Variants in LHFPL3 observed in about 807,000 individuals in gnomAD.
LHFPL3 encodes LHFPL tetraspan subfamily member 3 protein.
A neutral mutation model predicts 19.3 loss-of-function variants in LHFPL3; 5 were observed. The ratio of observed to expected loss-of-function variants is 0.26; its 90% confidence interval spans 0.14 to 0.54. LHFPL3 has a LOEUF of 0.54. Ranked by LOEUF, LHFPL3 falls within the 20% of genes least tolerant of loss-of-function variation. The probability of loss-of-function intolerance (pLI) is 0.94; values close to 1 mark genes in which losing one functional copy is unlikely to be tolerated. For synonymous variants in LHFPL3, 133 were observed against 126.2 expected (o/e 1.05, Z -0.36); for missense variants, 249 against 307.4 (o/e 0.81, Z 1.42).
chr7:104,423,333 C>A (rs1275514158), intron 1 of LHFPL3, among the ~76,000 whole-genome samples: 1 of 151,978 alleles, frequency 6.6e-6, no homozygotes, highest in African/African-American at 2.4e-5. Flanking sequence ...CTTGTTCAGG[C>A]CAGATGTGGT....
Position 104,329,101 on chromosome 7 carries a change from G to A in LHFPL3, c.322G>A (p.Ala108Thr). ...STLPSGAFKA[A>T]SFFIGLSMML... is the part of the protein sequence containing the mutation. Reference sequence around the variant, plus strand: ...GCTGCCCTCGGGCGCCTTCAAAGCCGCCTCCTTCTTTATCGGCCTCTCCAT... The same window carrying A: ...GCTGCCCTCGGGCGCCTTCAAAGCCACCTCCTTCTTTATCGGCCTCTCCAT... Residue 108 changes from alanine (A) to threonine (T), a missense_variant, in exon 1 of 3, where the codon GCC (alanine) becomes ACC (threonine). By Grantham distance (58) the Ala-to-Thr change is moderately conservative (BLOSUM62 0). Coordinates refer to ENST00000424859, the MANE Select transcript of LHFPL3 (RefSeq NM_199000.3). The A allele has an allele frequency of 6.2e-7, 1 of 1,614,070 alleles. No individual in the cohort carries two copies. Among genetic ancestry groups the A allele is most frequent in the Non-Finnish European group, 8.5e-7 (1 of 1,179,906 alleles).
intron 1 of LHFPL3, among the ~76,000 whole-genome samples, chr7:104,425,474 A>T (rs1791827412): frequency 6.6e-6 from 1 of 152,186 alleles, no homozygotes; most frequent in Non-Finnish European, 1.5e-5. Context: ...AGTACACATT[A>T]GGTGCTCAAT....
intron 1 of LHFPL3, among the ~76,000 whole-genome samples, chr7:104,389,416 C>T (rs1400704043): frequency 6.6e-6 from 1 of 152,122 alleles, no homozygotes; most frequent in East Asian, 1.9e-4. Flanking sequence ...GACCAGACGA[C>T]ATAATATGAA....
intron 1 of LHFPL3, among the ~76,000 whole-genome samples, chr7:104,425,886 A>C (rs981589858): frequency 6.6e-6 from 1 of 152,140 alleles, no homozygotes; most frequent in Non-Finnish European, 1.5e-5. Flanking sequence ...GAAATAGAAA[A>C]GTTCTTATCC....
intron 1 of LHFPL3, among the ~76,000 whole-genome samples, chr7:104,482,028 G>A (rs1793146313): frequency 6.6e-6 from 1 of 152,098 alleles, no homozygotes; most frequent in African/African-American, 2.4e-5. Context: ...TACCCTTATT[G>A]GCTTGCCTTA....
At chr7:104,605,919 C>T (rs563156018) in intron 1 of LHFPL3, among the ~76,000 whole-genome samples, 19 of 150,926 alleles carry the variant, frequency 1.3e-4, no homozygotes, top group Non-Finnish European at 2.5e-4. Context: ...CGTCTTTTAA[C>T]AGGCACATAT....
At chr7:104,430,418 A>ATG (rs1791959033) in intron 1 of LHFPL3, among the ~76,000 whole-genome samples, 1 of 17,526 alleles carries the variant, frequency 5.7e-5, no homozygotes, top group Non-Finnish European at 9.5e-5. Context: ...ATATATATAT[A>ATG]CATATATATA....
intron 1 of LHFPL3, among the ~76,000 whole-genome samples, chr7:104,509,421 G>T (rs1584368921): frequency 6.6e-6 from 1 of 152,024 alleles, no homozygotes; most frequent in African/African-American, 2.4e-5. Context: ...TGCAAAGCTA[G>T]TTTAATATTT....
At chr7:104,529,312 A>C (rs150313559) in intron 1 of LHFPL3, among the ~76,000 whole-genome samples, 156 of 152,286 alleles carry the variant, frequency 1.0e-3, no homozygotes, top group African/African-American at 3.6e-3. Context: ...TAGGCCCTGT[A>C]TCCTCAGCTT....
intron 1 of LHFPL3, among the ~76,000 whole-genome samples, chr7:104,445,899 G>C (rs1792320976): frequency 6.6e-6 from 1 of 152,114 alleles, no homozygotes; most frequent in Non-Finnish European, 1.5e-5. Flanking sequence ...CCTGTCCTTT[G>C]ATTTAATCTG....
At chr7:104,434,481 C>T (rs1376665860) in intron 1 of LHFPL3, among the ~76,000 whole-genome samples, 1 of 152,192 alleles carries the variant, frequency 6.6e-6, no homozygotes, top group Non-Finnish European at 1.5e-5. Flanking sequence ...ATAAGAATCA[C>T]TTCATGATTA....
intron 1 of LHFPL3, among the ~76,000 whole-genome samples, chr7:104,621,853 A>G (rs974048614): frequency 6.6e-6 from 1 of 152,134 alleles, no homozygotes; most frequent in African/African-American, 2.4e-5. Context: ...TTCGAAATCT[A>G]GGTCCCCAAA....
chr7:104,685,530 C>G (rs749739499), intron 1 of LHFPL3, among the ~76,000 whole-genome samples: 5 of 152,096 alleles, frequency 3.3e-5, no homozygotes, highest in Non-Finnish European at 7.4e-5. Context: ...GTGGTCTCCT[C>G]CATAATGCAT....
intron 1 of LHFPL3, among the ~76,000 whole-genome samples, chr7:104,713,170 T>G (rs1793326192): frequency 6.6e-6 from 1 of 152,164 alleles, no homozygotes; most frequent in Admixed American, 6.5e-5. Context: ...TATCCCCTAC[T>G]CTGAGCAAAT....
chr7:104,588,220 G>T (rs1221432495), intron 1 of LHFPL3, among the ~76,000 whole-genome samples: 1 of 152,132 alleles, frequency 6.6e-6, no homozygotes, highest in African/African-American at 2.4e-5. Context: ...GTATTGCCTA[G>T]GTTTTCTTCT....
At chr7:104,401,453 C>G (rs762108946) in intron 1 of LHFPL3, among the ~76,000 whole-genome samples, 2 of 152,156 alleles carry the variant, frequency 1.3e-5, no homozygotes, top group East Asian at 3.9e-4. Context: ...CAGTAGTGTT[C>G]AGAGGACCAG....
At chr7:104,395,762 A>G (rs1000664091) in intron 1 of LHFPL3, among the ~76,000 whole-genome samples, 2 of 152,204 alleles carry the variant, frequency 1.3e-5, no homozygotes, top group Non-Finnish European at 1.5e-5. Context: ...CTAGGACACC[A>G]GGTAATTTCA....
At chr7:104,592,636 G>C (rs943877232) in intron 1 of LHFPL3, among the ~76,000 whole-genome samples, 1 of 152,170 alleles carries the variant, frequency 6.6e-6, no homozygotes, top group Non-Finnish European at 1.5e-5. Context: ...AAAGCTGTCA[G>C]ACAGGGACGT....
intron 1 of LHFPL3, among the ~76,000 whole-genome samples, chr7:104,378,060 A>G (rs1790751473): frequency 6.6e-6 from 1 of 152,256 alleles, no homozygotes. Context: ...TATACAAGAA[A>G]AGGCATCCAG....
Sources: allele counts gnomAD v4.1 joint callset (sites outside exome capture counted in the v4.1 genomes callset), GRCh38; gene constraint gnomAD v4.1.1; transcripts MANE v1.5; gene names NCBI Gene and HGNC (gene_info 2026-07-23, HGNC 2026-07-21).